Variants in SLC25A18 observed in about 807,000 individuals in gnomAD.
The protein encoded by SLC25A18 is mitochondrial glutamate carrier 2.
SLC25A18 carries 24 observed loss-of-function variants against 31.1 expected under a neutral mutation model. The observed-to-expected ratio is 0.77, with a 90% CI of 0.56 to 1.08. SLC25A18 has a LOEUF of 1.08. SLC25A18 is among the 50% of genes least tolerant of loss of function. The pLI is 0.00. For missense variants in SLC25A18, 371 were observed against 418.5 expected (o/e 0.89, Z 0.99); for synonymous variants, 173 against 161.9 (o/e 1.07, Z -0.52).
chr22:17,579,753 G>C lies in SLC25A18; in HGVS notation c.-192G>C, dbSNP rs2057324091. Reference sequence around the variant, plus strand: ...CTCTGACTACTTTGCAGGGGAGGAAGCCGCAGCCCAAGGAGGTCGTCACTT... The same window carrying C: ...CTCTGACTACTTTGCAGGGGAGGAACCCGCAGCCCAAGGAGGTCGTCACTT... On this transcript the variant is annotated 5_prime_UTR_variant, in exon 3 of 11. Transcript: ENST00000327451. 1.4e-6 allele frequency: 2 copies of C among 1,391,324 alleles called. No homozygotes were observed. Among genetic ancestry groups the C allele is most frequent in the Non-Finnish European group, 1.9e-6 (2 of 1,073,932 alleles). The allele number at this position is 1,391,324 out of a possible 1,614,324, so 86.2% of individuals were successfully genotyped here. A position where few individuals can be genotyped will look rare whatever the true frequency, so the allele number is the denominator to read the frequency against.
chr22:17,581,300 A>G, intron 4 of SLC25A18, 58 bp from the exon 5 acceptor site: 2 of 1,609,470 alleles, frequency 1.2e-6, no homozygotes, highest in Non-Finnish European at 8.5e-7. Context: ...GGAGCAGGGC[A>G]TGGAGGCGGC....
chr22:17,573,927 A>G (rs1199766739), intron 2 of SLC25A18, among the ~76,000 whole-genome samples: 1 of 152,104 alleles, frequency 6.6e-6, no homozygotes, highest in Non-Finnish European at 1.5e-5. Flanking sequence ...ACTACATTCA[A>G]TGTGGTATTT....
intron 1 of SLC25A18, among the ~76,000 whole-genome samples, chr22:17,568,200 TA>T (rs941605119): frequency 6.6e-6 from 1 of 151,376 alleles, no homozygotes. Flanking sequence ...CCGTCTCTAC[TA>T]AAAAAATACA....
chr22:17,570,839 A>G (rs2057068804), intron 2 of SLC25A18, among the ~76,000 whole-genome samples: 1 of 152,200 alleles, frequency 6.6e-6, no homozygotes, highest in Non-Finnish European at 1.5e-5. Context: ...GAAGCAAGTC[A>G]GTGTCAATGT....
At chr22:17,573,677 C>G (rs148462301) in intron 2 of SLC25A18, among the ~76,000 whole-genome samples, 1 of 152,114 alleles carries the variant, frequency 6.6e-6, no homozygotes, top group Admixed American at 6.5e-5. Flanking sequence ...CAGGCAGCTT[C>G]GGTTCCTAAC....
At chr22:17,572,217 C>T (rs977798509) in intron 2 of SLC25A18, among the ~76,000 whole-genome samples, 6 of 151,696 alleles carry the variant, frequency 4.0e-5, no homozygotes, top group Non-Finnish European at 7.4e-5. Flanking sequence ...GGCACAGTGG[C>T]TCACCCCTGT....
intron 2 of SLC25A18, among the ~76,000 whole-genome samples, chr22:17,577,733 AC>A (rs1436193660): frequency 1.3e-5 from 2 of 149,742 alleles, no homozygotes; most frequent in Non-Finnish European, 3.0e-5. Flanking sequence ...TGCGCACACC[AC>A]CATTCCCCGC....
chr22:17,582,824 A>G (rs2057417385), intron 6 of SLC25A18, among the ~76,000 whole-genome samples, 171 bp downstream of exon 6: 1 of 152,156 alleles, frequency 6.6e-6, no homozygotes, highest in South Asian at 2.1e-4. Context: ...AAGGGAGAGA[A>G]TGAGCTGGTA....
At chr22:17,584,738 C>T (rs2057490259) in intron 7 of SLC25A18, among the ~76,000 whole-genome samples, 2 of 132,604 alleles carry the variant, frequency 1.5e-5, no homozygotes, top group Admixed American at 1.6e-4. Context: ...TGAGATCACG[C>T]CATTTGCACT....
rs2057684139 is a variant in SLC25A18, at chr22:17,590,367, T to C, written c.*131T>C. On this transcript the variant is annotated 3_prime_UTR_variant, in exon 11 of 11. Coordinates refer to ENST00000327451, the MANE Select transcript of SLC25A18 (RefSeq NM_031481.3). ...TCTGCGTTGTAGTGCTACCTCAATC[T>C]CGGGAGAAACAGCCCTATATTCTAA... is the stretch of plus-strand genomic sequence containing the variant. The C allele has an allele frequency of 1.8e-6, 2 of 1,106,220 alleles. No homozygotes were observed. The highest frequency in any genetic ancestry group is 1.6e-5 in the African/African-American group (1 of 63,938). 68.5% of individuals were successfully genotyped at this position (1,106,220 alleles called of 1,614,324 possible).
In SLC25A18 at chr22:17,563,644, G is replaced by A. The variant is rs940163872; in HGVS notation, c.-333G>A. 9 of 985,026 alleles carry A rather than the reference G, an allele frequency of 9.1e-6. No individual in the cohort carries two copies. Among genetic ancestry groups the A allele is most frequent in the African/African-American group, 3.5e-5 (2 of 57,218 alleles). The allele number at this position is 985,026 out of a possible 1,614,324, so 61.0% of individuals were successfully genotyped here. A position where few individuals can be genotyped will look rare whatever the true frequency, so the allele number is the denominator to read the frequency against. On this transcript the variant is annotated 5_prime_UTR_variant, in exon 1 of 11. Coordinates refer to ENST00000327451, the MANE Select transcript of SLC25A18 (RefSeq NM_031481.3). The stretch of plus-strand genomic sequence containing the variant: ...AACTGAGTAGGCAGTGAGAAGAGTC[G>A]AGTGAAGCCTGGCCCGTGAGTGCCT...
At chr22:17,586,963 G>A (rs982202370) in intron 7 of SLC25A18, among the ~76,000 whole-genome samples, 173 bp from the exon 8 acceptor site, 4 of 152,154 alleles carry the variant, frequency 2.6e-5, no homozygotes, top group Non-Finnish European at 5.9e-5. Flanking sequence ...TTAGGAAGAC[G>A]TCCTCAGAGC....
intron 1 of SLC25A18, among the ~76,000 whole-genome samples, chr22:17,568,502 T>C (rs2056998226): frequency 6.7e-6 from 1 of 149,294 alleles, no homozygotes. Context: ...AGTATAAGTA[T>C]GGCAGGGCAA....
rs2057662091 is a variant in SLC25A18, at chr22:17,589,675, A to AGT, written c.806+13_806+14dup. 3 of 1,613,970 alleles carry AGT rather than the reference A, an allele frequency of 1.9e-6. No homozygotes were observed. The Admixed American group carries it at 5.0e-5, about 27-fold the overall frequency. ...TCACCGACTGTGCCAGGTGAGAGCC[A>AGT]GTGTCCCCTCAAATGGTGGCTGGGA... On this transcript the variant is annotated intron_variant, in intron 10 of 10. Transcript: ENST00000327451.
chr22:17,564,792 C>T (rs1048903501), intron 1 of SLC25A18, among the ~76,000 whole-genome samples: 3 of 145,390 alleles, frequency 2.1e-5, no homozygotes, highest in East Asian at 2.0e-4. Context: ...GGGAGATGGA[C>T]GTTGTAGTGA....
At chr22:17,573,341 T>G (rs183280655) in intron 2 of SLC25A18, among the ~76,000 whole-genome samples, 257 of 152,206 alleles carry the variant, frequency 1.7e-3, no homozygotes, top group African/African-American at 6.0e-3. Context: ...CAGTTGACAG[T>G]GCTGCACCTC....
Position 17,583,407 on chromosome 22 carries a change from T to C in SLC25A18, c.291-9T>C. 1.2e-6 allele frequency: 2 copies of C among 1,613,812 alleles called. No individual in the cohort carries two copies. The highest frequency in any genetic ancestry group is 8.5e-7 in the Non-Finnish European group (1 of 1,179,956). On this transcript the variant is annotated splice_polypyrimidine_tract_variant and intron_variant, in intron 6 of 10. Transcript: ENST00000327451. Reference sequence around the variant, plus strand: ...TGCGGCTGAAGGAGCCTGACGCCTGTTCCCATAGGATGCAGCGGAACCTGA... The same window carrying C: ...TGCGGCTGAAGGAGCCTGACGCCTGCTCCCATAGGATGCAGCGGAACCTGA...
intron 1 of SLC25A18, among the ~76,000 whole-genome samples, chr22:17,568,274 G>A (rs2056990132): frequency 6.6e-6 from 1 of 151,536 alleles, no homozygotes; most frequent in Admixed American, 6.6e-5. Flanking sequence ...GGCTGAGGCA[G>A]GAGAATGGCG....
At chr22:17,572,789 C>T (rs2057130627) in intron 2 of SLC25A18, among the ~76,000 whole-genome samples, 2 of 148,370 alleles carry the variant, frequency 1.3e-5, no homozygotes, top group Non-Finnish European at 1.5e-5. Flanking sequence ...CTACAGGCGC[C>T]CGCCACCACG....
Sources: gnomAD v4.1 joint callset for allele counts (sites outside exome capture counted in the v4.1 genomes callset) on GRCh38, gnomAD v4.1.1 for gene constraint, MANE v1.5 for transcripts, NCBI Gene and HGNC (gene_info 2026-07-23, HGNC 2026-07-21) for gene names.